The following SDK2 variants were observed in gnomAD, a reference collection of about 807,000 sequenced individuals.
SDK2 encodes the protein sidekick cell adhesion molecule 2.
In SDK2, 105 loss-of-function variants were observed where a neutral mutation model predicts 253.9. That is an observed-to-expected ratio of 0.41 (90% CI 0.35 to 0.49). The LOEUF (loss-of-function observed/expected upper bound fraction) is 0.49, where lower values mean the gene tolerates loss of function less well. SDK2 is among the 20% of genes least tolerant of loss of function. The pLI, the probability that SDK2 is intolerant of heterozygous loss-of-function variation, is 0.06. For synonymous variants in SDK2, 1,249 were observed against 1,234.9 expected, an observed-to-expected ratio of 1.01 and a Z score of -0.24; for missense variants, 2,608 against 3,003.0, an observed-to-expected ratio of 0.87 and a Z score of 3.07.
intron 2 of SDK2, 56 bp from the exon 3 acceptor site, chr17:73,472,274 G>A (rs2063657461): frequency 7.6e-7 from 1 of 1,319,034 alleles, no homozygotes; most frequent in Non-Finnish European, 1.1e-6. Context: ...GGGGTACAGA[G>A]GTCAGATTGG....
rs1039289172 is a variant in SDK2, at chr17:73,525,507, A to G, written c.65-17910T>C. On this transcript the variant is annotated intron_variant, in intron 1 of 44. Coordinates refer to ENST00000392650, the MANE Select transcript of SDK2 (RefSeq NM_001144952.2). ...CAAAAAAGCCCCATGTGAGATTGTC[A>G]ATAGGATGAATGAGAAGGGAAGAGG... is the stretch of plus-strand genomic sequence containing the variant. Among the ~76,000 whole-genome samples, 4 of 152,176 alleles carry G rather than the reference A, an allele frequency of 2.6e-5. No homozygotes were observed. The East Asian group carries it at 7.7e-4, about 29-fold the overall frequency.
At chr17:73,339,627 C>T (rs1440082827) in intron 44 of SDK2, among the ~76,000 whole-genome samples, 1 of 151,158 alleles carries the variant, frequency 6.6e-6, no homozygotes, top group African/African-American at 2.4e-5. Context: ...GTGTGATCCT[C>T]TCTGTAGCCT....
intron 44 of SDK2, among the ~76,000 whole-genome samples, chr17:73,340,797 GCAGTGGCACGATCTTGGCTCACCTCAA>G (rs1286810958): frequency 2.0e-5 from 2 of 100,022 alleles, no homozygotes; most frequent in African/African-American, 6.9e-5. Flanking sequence ...AGGCTTGAGT[GCAGTGGCACGATCTTGGCTCACCTCAA>G]CCTCTGCCTC....
Position 73,395,512 on chromosome 17 carries a change from C to T in SDK2, c.3355-120G>A, listed in dbSNP as rs961453448. 7 of 711,104 alleles carry T rather than the reference C, an allele frequency of 9.8e-6. No individual in the cohort carries two copies. The highest frequency in any genetic ancestry group is 3.5e-5 in the African/African-American group (2 of 56,790). The allele number at this position is 711,104 out of a possible 1,614,324, so 44.0% of individuals were successfully genotyped here. On this transcript the variant is annotated intron_variant, in intron 24 of 44. Transcript: ENST00000392650. The surrounding 1 kb of genome is among the most constrained non-coding windows in gnomAD (Gnocchi z 4.3). ...CAGGGCTATCCATCCCACTGTCACC[C>T]GGTCAGTGTCCACATGAGGCTCTCT...
At chr17:73,551,883 C>T (rs1407016752) in intron 1 of SDK2, among the ~76,000 whole-genome samples, 1 of 152,226 alleles carries the variant, frequency 6.6e-6, no homozygotes, top group Non-Finnish European at 1.5e-5. Flanking sequence ...CTCCAGGCTT[C>T]CCTTCTGTCT....
At chr17:73,499,610 G>T (rs2145743233) in intron 2 of SDK2, among the ~76,000 whole-genome samples, 1 of 152,372 alleles carries the variant, frequency 6.6e-6, no homozygotes, top group Admixed American at 6.5e-5. Context: ...GACAGAAGGA[G>T]CCCAATGGGA....
chr17:73,389,760 A>G (rs2145494369), intron 29 of SDK2, among the ~76,000 whole-genome samples: 1 of 151,712 alleles, frequency 6.6e-6, no homozygotes, highest in East Asian at 2.0e-4. Flanking sequence ...TTAATTAATT[A>G]ATTAATTTAG....
intron 40 of SDK2, among the ~76,000 whole-genome samples, chr17:73,353,700 A>ATTTTTTT (rs11370066): frequency 1.0e-5 from 1 of 97,222 alleles, no homozygotes. Flanking sequence ...TGCCTGGCCA[A>ATTTTTTT]TTTTTTTTTT....
chr17:73,433,818 A>AG lies in SDK2; in HGVS notation c.1225dup (p.Leu409ProfsTer16). 1 of 1,592,080 alleles carries AG rather than the reference A, an allele frequency of 6.3e-7. No individual in the cohort carries two copies. Among genetic ancestry groups the AG allele is most frequent in the Non-Finnish European group, 8.5e-7 (1 of 1,169,622 alleles). ...CATGCCATCGATCACCGTGCTGTCC[A>AG]GGGGGCCTCTGGTGATGTTAGGGGC... On this transcript the variant is annotated frameshift_variant, in exon 10 of 45. Transcript: ENST00000392650. LOFTEE classifies it high-confidence loss of function.
intron 27 of SDK2, among the ~76,000 whole-genome samples, chr17:73,392,733 C>A (rs574316433): frequency 1.2e-4 from 18 of 152,022 alleles, no homozygotes; most frequent in African/African-American, 4.3e-4. Context: ...CCGGTTCCTG[C>A]AAATGTCTGT....
chr17:73,342,390 G>C (rs1310520393), intron 44 of SDK2, among the ~76,000 whole-genome samples: 1 of 152,210 alleles, frequency 6.6e-6, no homozygotes, highest in Non-Finnish European at 1.5e-5. Flanking sequence ...GGGGGCACAG[G>C]CAGGCCAGGG....
intron 1 of SDK2, among the ~76,000 whole-genome samples, chr17:73,622,480 G>C (rs1407799890): frequency 6.6e-6 from 1 of 152,164 alleles, no homozygotes; most frequent in Non-Finnish European, 1.5e-5. Context: ...CTTGGCTCAG[G>C]GAGGAAAGTA....
chr17:73,350,811 T>A, intron 41 of SDK2, 21 bp from the exon 42 acceptor site: 1 of 1,588,802 alleles, frequency 6.3e-7, no homozygotes, highest in South Asian at 1.1e-5. Flanking sequence ...GATAGTCAGG[T>A]ATATAGGGTG....
At chr17:73,522,540 G>C (rs1280322619) in intron 1 of SDK2, among the ~76,000 whole-genome samples, 2 of 152,228 alleles carry the variant, frequency 1.3e-5, no homozygotes, top group Non-Finnish European at 2.9e-5. Context: ...AAAACACATA[G>C]CCCATCTGTG....
chr17:73,546,460 C>CA (rs2044967355), intron 1 of SDK2, among the ~76,000 whole-genome samples: 1 of 152,242 alleles, frequency 6.6e-6, no homozygotes, highest in African/African-American at 2.4e-5. Flanking sequence ...GAATGTGGAA[C>CA]AGCCTTGGCC....
chr17:73,462,348 A>G (rs555601098), intron 3 of SDK2, among the ~76,000 whole-genome samples: 2 of 151,972 alleles, frequency 1.3e-5, no homozygotes, highest in African/African-American at 4.8e-5. Flanking sequence ...TATATGTTTT[A>G]TGGTGGAATA....
intron 25 of SDK2, 79 bp from the exon 26 acceptor site, chr17:73,394,403 G>A (rs906218321): frequency 3.0e-5 from 26 of 871,762 alleles, no homozygotes; most frequent in Non-Finnish European, 4.2e-5. Flanking sequence ...AGGACAGGGG[G>A]CCGAGGGAGG....
chr17:73,535,019 A>G (rs1192933694), intron 1 of SDK2, among the ~76,000 whole-genome samples: 1 of 152,156 alleles, frequency 6.6e-6, no homozygotes, highest in Admixed American at 6.5e-5. Context: ...AGCCCCCAGG[A>G]CATCCTGGAA....
intron 2 of SDK2, among the ~76,000 whole-genome samples, chr17:73,495,470 A>T (rs754264169): frequency 1.3e-5 from 2 of 152,210 alleles, no homozygotes; most frequent in Non-Finnish European, 2.9e-5. Context: ...CTCCAATGTC[A>T]GCAGTGCTGA....
Sources: gnomAD v4.1 joint callset for allele counts (sites outside exome capture counted in the v4.1 genomes callset) on GRCh38, gnomAD v4.1.1 for gene constraint, Gnocchi (gnomAD v3.1) non-coding constraint, MANE v1.5 for transcripts, NCBI Gene and HGNC (gene_info 2026-07-23, HGNC 2026-07-21) for gene names.